The following GRHL1 variants were observed in gnomAD, a reference collection of about 807,000 sequenced individuals.
GRHL1 encodes grainyhead like transcription factor 1, also known as grainyhead-like protein 1 homolog.
In GRHL1, 38 loss-of-function variants were observed where a neutral mutation model predicts 75.7. The observed-to-expected ratio is 0.50, with a 90% CI of 0.39 to 0.66. GRHL1 has a LOEUF of 0.66. Ranked by LOEUF, GRHL1 falls within the 30% of genes least tolerant of loss-of-function variation. GRHL1 has a pLI of 0.00. For synonymous variants in GRHL1, 266 were observed against 279.4 expected, an observed-to-expected ratio of 0.95 and a Z score of 0.48; for missense variants, 589 against 767.5, an observed-to-expected ratio of 0.77 and a Z score of 2.75.
rs115632006 is a variant in GRHL1 at position 9,960,885 on chromosome 2, G to A, written c.279-161G>A. ...ATTTTATTTGACCGATAACCAGAAAGCCTTTTTCCCTTTATCTAGTAATGG... is the reference window on the plus strand; with the variant it reads ...ATTTTATTTGACCGATAACCAGAAAACCTTTTTCCCTTTATCTAGTAATGG... On this transcript the variant is annotated intron_variant, in intron 3 of 15. Transcript: ENST00000324907. 2.3e-3 allele frequency: 1,297 copies of A among 557,610 alleles called. 10 individuals are homozygous for A. The highest frequency in any genetic ancestry group is 0.022 in the African/African-American group (1,163 of 53,626). 34.5% of individuals were successfully genotyped at this position (557,610 alleles called of 1,614,324 possible). A position where few individuals can be genotyped will look rare whatever the true frequency, so the allele number is the denominator to read the frequency against.
intron 7 of GRHL1, 64 bp from the exon 8 acceptor site, chr2:9,965,223 C>T (rs1411414625): frequency 2.7e-5 from 22 of 819,440 alleles, no homozygotes; most frequent in Non-Finnish European, 4.3e-5. Context: ...TTTTGAACTG[C>T]TGGGATCCCA....
chr2:9,955,783 G>A (rs1666993139), intron 2 of GRHL1, among the ~76,000 whole-genome samples: 1 of 152,252 alleles, frequency 6.6e-6, no homozygotes, highest in Admixed American at 6.5e-5. Flanking sequence ...TGGGGCCCTA[G>A]TCTGGTCCAT....
intron 7 of GRHL1, 65 bp from the exon 8 acceptor site, chr2:9,965,222 G>C (rs1177838529): frequency 2.6e-5 from 21 of 813,984 alleles, no homozygotes; most frequent in Non-Finnish European, 4.4e-5. Context: ...ATTTTGAACT[G>C]CTGGGATCCC....
At chr2:9,970,432 G>A (rs1667675935) in intron 8 of GRHL1, among the ~76,000 whole-genome samples, 1 of 152,004 alleles carries the variant, frequency 6.6e-6, no homozygotes, top group Non-Finnish European at 1.5e-5. Context: ...TTCTCCTGAA[G>A]AACTGTTTTT....
intron 1 of GRHL1, among the ~76,000 whole-genome samples, chr2:9,954,005 A>G (rs1456341701): frequency 2.6e-5 from 4 of 152,206 alleles, no homozygotes; most frequent in Non-Finnish European, 1.5e-5. Context: ...GACTGTTTAC[A>G]TTTCAAGTTT....
intron 2 of GRHL1, 54 bp downstream of exon 2, chr2:9,955,155 C>G (rs759151533): frequency 6.6e-5 from 78 of 1,177,790 alleles, no homozygotes; most frequent in Non-Finnish European, 9.0e-5. Context: ...GCACTTGATT[C>G]AGCAGCATAG....
rs34950562 is a variant in GRHL1 at position 9,992,387 on chromosome 2, C to T, written c.1461+241C>T. Among the ~76,000 whole-genome samples, 29,812 of 152,068 alleles carry T rather than the reference C, an allele frequency of 0.2. 3,309 individuals carry two copies. The highest frequency in any genetic ancestry group is 0.29 in the Admixed American group (4,458 of 15,284). On this transcript the variant is annotated intron_variant, in intron 11 of 15. Coordinates refer to ENST00000324907, the MANE Select transcript of GRHL1 (RefSeq NM_198182.3). The surrounding 1 kb of genome is among the most constrained non-coding windows in gnomAD (Gnocchi z 4.6). ...TTCTGTTTGTATTCATTCATTCATT[C>T]GTTCGTTCTTCATACCTACATATCC...
intron 8 of GRHL1, among the ~76,000 whole-genome samples, chr2:9,977,642 A>T (rs1339105423): frequency 6.6e-6 from 1 of 152,162 alleles, no homozygotes; most frequent in Non-Finnish European, 1.5e-5. Context: ...TTTTAAAATG[A>T]ACAACATCCC....
rs965359763 is a variant in GRHL1, at chr2:9,980,238, C to T, written c.1111-5886C>T. 3.3e-5 allele frequency among the ~76,000 whole-genome samples: 5 copies of T among 151,574 alleles called. No homozygotes were observed. In the South Asian group the frequency reaches 6.3e-4, roughly 19 times the overall value. On this transcript the variant is annotated intron_variant, in intron 8 of 15. Coordinates refer to ENST00000324907, the MANE Select transcript of GRHL1 (RefSeq NM_198182.3). ...GGCAGACGCAGCCAGGTGTGAACAG[C>T]GCTTATGTGGCTGCCGCGGTGCTTC... is the stretch of plus-strand genomic sequence containing the variant.
At position 9,965,401 on chromosome 2, in the gene GRHL1, C is replaced by T. The variant is rs185240007; in HGVS notation, c.1110+20C>T. On this transcript the variant is annotated intron_variant, in intron 8 of 15. Coordinates refer to ENST00000324907, the MANE Select transcript of GRHL1 (RefSeq NM_198182.3). ...GCAAAGGTGGGTGGTGAGGTCTGGG[C>T]GCCTTATGTCCAGCCATTTGAGAAA... 155 of 1,342,984 alleles carry T rather than the reference C, an allele frequency of 1.2e-4. No individual in the cohort carries two copies. Among genetic ancestry groups the T allele is most frequent in the Non-Finnish European group, 1.5e-4 (136 of 936,970 alleles). 83.2% of individuals were successfully genotyped at this position (1,342,984 alleles called of 1,614,324 possible). A position where few individuals can be genotyped will look rare whatever the true frequency, so the allele number is the denominator to read the frequency against.
At chr2:9,971,925 C>G (rs1435614090) in intron 8 of GRHL1, among the ~76,000 whole-genome samples, 1 of 152,110 alleles carries the variant, frequency 6.6e-6, no homozygotes, top group Admixed American at 6.5e-5. Flanking sequence ...GTCTGTTGGA[C>G]TTTGGCTTGA....
At position 9,954,929 on chromosome 2, in the gene GRHL1, T is replaced by G; in HGVS notation, c.35T>G (p.Leu12Trp). 1 of 1,613,560 alleles carries G rather than the reference T, an allele frequency of 6.2e-7. No homozygotes were observed. The highest frequency in any genetic ancestry group is 8.5e-7 in the Non-Finnish European group (1 of 1,179,442). ...TTTCTCTGAAGCAAACGGCCAGTGT[T>G]GGTTCTTCAGAATGAAGCACTTTAT... ...TQEYDNKRPVLVLQNEALYPQ... is the reference protein window; with the variant it reads ...TQEYDNKRPVWVLQNEALYPQ... Residue 12 changes from leucine (L) to tryptophan (W), a missense_variant, in exon 2 of 16, where the codon TTG (leucine) becomes TGG (tryptophan). Leu to Trp is a moderately conservative substitution (Grantham distance 61). Around this residue, in one of 5 missense-constraint regions of GRHL1, gnomAD observed 362 missense variants for 461.8 expected, o/e 0.78. Coordinates refer to ENST00000324907, the MANE Select transcript of GRHL1 (RefSeq NM_198182.3).
chr2:9,996,502 A>T, intron 14 of GRHL1, 101 bp downstream of exon 14: 1 of 848,194 alleles, frequency 1.2e-6, no homozygotes. Context: ...CCTTTGTCAG[A>T]CCTTCTGGAA....
intron 2 of GRHL1, among the ~76,000 whole-genome samples, chr2:9,957,287 G>A (rs1667070655): frequency 6.6e-6 from 1 of 151,862 alleles, no homozygotes; most frequent in South Asian, 2.1e-4. Context: ...CACTGTGCCT[G>A]GCCTATTTTC....
rs775664486 is a variant in GRHL1 at position 9,961,235 on chromosome 2, C to T, written c.468C>T (p.Ser156=). 1.9e-6 allele frequency: 3 copies of T among 1,614,148 alleles called. No homozygotes were observed. The highest frequency in any genetic ancestry group is 2.5e-6 in the Non-Finnish European group (3 of 1,179,980). Residue 156 remains serine (S), a synonymous_variant, in exon 4 of 16, where the codon TCC becomes TCT. Transcript: ENST00000324907. The part of the protein sequence containing the change: ...TVSIATMPTH[S]IKTETQPHGF... The stretch of plus-strand genomic sequence containing the variant: ...CCATAGCAACGATGCCTACCCACTC[C>T]ATCAAGACAGAAACCCAGCCACATG...
In GRHL1 at chr2:10,000,585, C is replaced by G. The variant is rs749392568; in HGVS notation, c.1743-8C>G. 68 of 1,566,412 alleles carry G rather than the reference C, an allele frequency of 4.3e-5. No individual in the cohort carries two copies. Among genetic ancestry groups the G allele is most frequent in the Admixed American group, 2.7e-4 (16 of 59,702 alleles). ...TGAAGTTGGTTGGTCTTGTCCCCCC[C>G]CATCCAGGATCCTGGTGAACATGGA... On this transcript the variant is annotated splice_polypyrimidine_tract_variant and splice_region_variant and intron_variant, in intron 15 of 15. Transcript: ENST00000324907.
rs1219676030 is a variant in GRHL1, at chr2:9,968,851, G to T, written c.1110+3470G>T. 6.6e-6 allele frequency among the ~76,000 whole-genome samples: 1 copy of T among 152,176 alleles called. No individual in the cohort carries two copies. The highest frequency in any genetic ancestry group is 2.4e-5 in the African/African-American group (1 of 41,442). On this transcript the variant is annotated intron_variant, in intron 8 of 15. Coordinates refer to ENST00000324907, the MANE Select transcript of GRHL1 (RefSeq NM_198182.3). This position sits in a 1 kb window ranked among gnomAD's most constrained non-coding sequence, Gnocchi z 4.7. ...CCTGCTGTGGACAAGGCGTGGGCTG[G>T]ATCTAGGCTCCTGCCACTAGTTCCG...
chr2:9,983,308 A>ATT (rs5829242), intron 8 of GRHL1, among the ~76,000 whole-genome samples: 7 of 147,548 alleles, frequency 4.7e-5, no homozygotes, highest in Admixed American at 6.7e-5. Flanking sequence ...GCAAGGTAGC[A>ATT]TTTTTTTTTT....
chr2:9,962,395 G>A, intron 4 of GRHL1, 60 bp from the exon 5 acceptor site: 2 of 907,648 alleles, frequency 2.2e-6, no homozygotes, highest in Middle Eastern at 4.2e-4. Context: ...ACCAGAGCTT[G>A]GTCTTTAGTA....
Sources: gnomAD v4.1 joint callset for allele counts (sites outside exome capture counted in the v4.1 genomes callset) on GRCh38, gnomAD v4.1.1 for gene constraint, gnomAD v4.1.1 regional missense constraint, Gnocchi (gnomAD v3.1) non-coding constraint, MANE v1.5 for transcripts, NCBI Gene and HGNC (gene_info 2026-07-23, HGNC 2026-07-21) for gene names.